PRKN: variants seen among roughly 807,000 people sequenced by gnomAD.
PRKN encodes the protein E3 ubiquitin-protein ligase parkin.
PRKN carries 56 observed loss-of-function variants against 59.5 expected under a neutral mutation model. The ratio of observed to expected loss-of-function variants is 0.94; its 90% CI spans 0.76 to 1.18. The LOEUF (loss-of-function observed/expected upper bound fraction) is 1.18. PRKN is among the 50% of genes most tolerant of loss of function. The probability of loss-of-function intolerance (pLI) is 0.00; values close to 1 mark genes in which losing one functional copy is unlikely to be tolerated. For synonymous variants in PRKN, 250 were observed against 222.1 expected (o/e 1.13, Z -1.12); for missense variants, 657 against 596.4 (o/e 1.10, Z -1.06).
intron 6 of PRKN, among the ~76,000 whole-genome samples, chr6:161,915,812 C>T (rs1355153412): frequency 2.0e-5 from 3 of 152,086 alleles, no homozygotes; most frequent in Non-Finnish European, 1.5e-5. Flanking sequence ...CATAGCATTG[C>T]GGTTCAGAAA....
intron 2 of PRKN, among the ~76,000 whole-genome samples, chr6:162,289,260 G>T (rs563120061): frequency 6.6e-6 from 1 of 152,044 alleles, no homozygotes; most frequent in Non-Finnish European, 1.5e-5. Flanking sequence ...CTCTGTGCTT[G>T]TCTGTCTCAC....
At chr6:161,924,367 T>C (rs1778892921) in intron 6 of PRKN, among the ~76,000 whole-genome samples, 1 of 152,138 alleles carries the variant, frequency 6.6e-6, no homozygotes. Context: ...CCTACTATAA[T>C]TTACTGGAAG....
rs1329146562 is a variant in PRKN, at chr6:161,348,714, C to A, written c.*1385G>T. 2 of 210,492 alleles carry A rather than the reference C, an allele frequency of 9.5e-6. No individual in the cohort carries two copies. Among genetic ancestry groups the A allele is most frequent in the Admixed American group, 1.2e-4 (2 of 16,926 alleles). The allele number at this position is 210,492 out of a possible 1,614,324, so 13.0% of individuals were successfully genotyped here. A position where few individuals can be genotyped will look rare whatever the true frequency, so the allele number is the denominator to read the frequency against. On this transcript the variant is annotated 3_prime_UTR_variant, in exon 12 of 12. Coordinates refer to ENST00000366898, the MANE Select transcript of PRKN (RefSeq NM_004562.3). This position sits in a 1 kb window ranked among gnomAD's most constrained non-coding sequence, Gnocchi z 4.9. ...ACAGTCTCTAAATCCAAAAGGGCCTCCATGTGCTAGTGAGACTCATGCCCT... is the reference window on the plus strand; with the variant it reads ...ACAGTCTCTAAATCCAAAAGGGCCTACATGTGCTAGTGAGACTCATGCCCT...
At chr6:162,420,596 G>C (rs1477636443) in intron 2 of PRKN, among the ~76,000 whole-genome samples, 1 of 152,084 alleles carries the variant, frequency 6.6e-6, no homozygotes, top group African/African-American at 2.4e-5. Flanking sequence ...AGGAGATTCG[G>C]ATACAGACAG....
intron 5 of PRKN, among the ~76,000 whole-genome samples, chr6:161,978,791 GGTGGCATTGTTTGAGT>G (rs1227397971): frequency 1.3e-5 from 2 of 152,234 alleles, no homozygotes; most frequent in Non-Finnish European, 2.9e-5. Context: ...GGCTGCTCAA[GGTGGCATTGTTTGAGT>G]TCTAGCGTGT....
chr6:162,055,770 G>A (rs185642338), intron 4 of PRKN, among the ~76,000 whole-genome samples: 27 of 152,182 alleles, frequency 1.8e-4, no homozygotes, highest in African/African-American at 6.3e-4. Context: ...GAGCTAAATC[G>A]GTCATCACAA....
rs1233943578 is a variant in PRKN, at chr6:161,440,476, C to T, written c.1084-53599G>A. Among the ~76,000 whole-genome samples, 1 of 152,134 alleles carries T rather than the reference C, an allele frequency of 6.6e-6. No homozygotes were observed. The highest frequency in any genetic ancestry group is 1.5e-5 in the Non-Finnish European group (1 of 68,038). ...ACGGAGGTTGAGAAGCCTGGCATTTCCCCATTGCTGCCTCTGGGAGGCTGC... is the reference window on the plus strand; with the variant it reads ...ACGGAGGTTGAGAAGCCTGGCATTTTCCCATTGCTGCCTCTGGGAGGCTGC... On this transcript the variant is annotated intron_variant, in intron 9 of 11. Coordinates refer to ENST00000366898, the MANE Select transcript of PRKN (RefSeq NM_004562.3). This position sits in a 1 kb window ranked among gnomAD's most constrained non-coding sequence, Gnocchi z 4.1.
At chr6:162,311,586 G>A (rs1297193338) in intron 2 of PRKN, among the ~76,000 whole-genome samples, 3 of 150,104 alleles carry the variant, frequency 2.0e-5, no homozygotes, top group East Asian at 2.0e-4. Flanking sequence ...GGGTTCAAGC[G>A]ATTCTCCTGC....
chr6:162,268,554 AAT>A (rs1179137871), intron 2 of PRKN, among the ~76,000 whole-genome samples: 5 of 152,348 alleles, frequency 3.3e-5, no homozygotes, highest in Admixed American at 1.3e-4. Flanking sequence ...CAGAGCTAGA[AAT>A]AGTGTGTAAA....
At chr6:161,988,433 G>A (rs1781516713) in intron 5 of PRKN, among the ~76,000 whole-genome samples, 2 of 151,918 alleles carry the variant, frequency 1.3e-5, no homozygotes, top group Admixed American at 1.3e-4. Flanking sequence ...GGTTGCATGA[G>A]GCGAGATCCC....
chr6:162,154,063 G>GT (rs1256813201), intron 4 of PRKN, among the ~76,000 whole-genome samples: 1 of 152,148 alleles, frequency 6.6e-6, no homozygotes, highest in African/African-American at 2.4e-5. Context: ...TCTGCCAAGA[G>GT]TTTCTCTGCC....
rs997604666 is a variant in PRKN, at chr6:161,375,001, T to A, written c.1167+11793A>T. ...TCCCATGTGTCAGGCCAGGCAGGCA[T>A]CTGGTGGAGGCTGCACTGTGGCCGT... On this transcript the variant is annotated intron_variant, in intron 10 of 11. Coordinates refer to ENST00000366898, the MANE Select transcript of PRKN (RefSeq NM_004562.3). Among the ~76,000 whole-genome samples the A allele has an allele frequency of 4.8e-4, 73 of 152,180 alleles. 1 individual carries two copies. The highest frequency in any genetic ancestry group is 4.8e-3 in the Admixed American group (73 of 15,292).
At chr6:161,929,637 C>T (rs528265431) in intron 6 of PRKN, among the ~76,000 whole-genome samples, 2 of 148,052 alleles carry the variant, frequency 1.4e-5, no homozygotes, top group South Asian at 2.1e-4. Flanking sequence ...GATTCTCTTG[C>T]CTCAGCCTCC....
chr6:162,018,295 GGATTACAGGCGTGAGCCACC>G, intron 5 of PRKN, among the ~76,000 whole-genome samples: 2 of 152,090 alleles, frequency 1.3e-5, no homozygotes, highest in African/African-American at 4.8e-5. Context: ...CAAAGTGCTG[GGATTACAGGCGTGAGCCACC>G]GCGCCCGGCC....
At chr6:161,949,084 G>A (rs1399048901) in intron 6 of PRKN, among the ~76,000 whole-genome samples, 1 of 152,186 alleles carries the variant, frequency 6.6e-6, no homozygotes, top group Non-Finnish European at 1.5e-5. Context: ...TGGATGAACA[G>A]AGCCTGGGGT....
At chr6:162,211,722 A>C (rs1361005447) in intron 3 of PRKN, among the ~76,000 whole-genome samples, 1 of 152,156 alleles carries the variant, frequency 6.6e-6, no homozygotes, top group Non-Finnish European at 1.5e-5. Flanking sequence ...CTTCACTGCT[A>C]ACATAAAATA....
At chr6:161,974,705 G>A (rs535842394) in intron 5 of PRKN, among the ~76,000 whole-genome samples, 2 of 152,144 alleles carry the variant, frequency 1.3e-5, no homozygotes, top group East Asian at 3.9e-4. Flanking sequence ...CTGGATGACA[G>A]AATAACCCCT....
intron 7 of PRKN, among the ~76,000 whole-genome samples, chr6:161,689,185 TACACACACACAC>T (rs34193135): frequency 0.059 from 8,496 of 144,248 alleles, 545 homozygotes; most frequent in African/African-American, 0.16. Context: ...AATTAAATTG[TACACACACACAC>T]ACACACACAC....
intron 4 of PRKN, among the ~76,000 whole-genome samples, chr6:162,176,738 G>T (rs967519042): frequency 6.6e-6 from 1 of 152,048 alleles, no homozygotes; most frequent in African/African-American, 2.4e-5. Flanking sequence ...TGATAGACTA[G>T]AACAATATAC....
Sources: gnomAD v4.1 joint callset for allele counts (sites outside exome capture counted in the v4.1 genomes callset) on GRCh38, gnomAD v4.1.1 for gene constraint, Gnocchi (gnomAD v3.1) non-coding constraint, MANE v1.5 for transcripts, NCBI Gene and HGNC (gene_info 2026-07-23, HGNC 2026-07-21) for gene names.